The following CHODL variants were observed in gnomAD, a reference collection of about 807,000 sequenced individuals.
CHODL encodes transmembrane protein MT75.
Under a neutral mutation model 34.5 loss-of-function variants are expected in CHODL, and 29 were observed. The ratio of observed to expected loss-of-function variants is 0.84; its 90% CI spans 0.63 to 1.15. The LOEUF (loss-of-function observed/expected upper bound fraction) is 1.15. Ranked by LOEUF, CHODL falls within the 50% of genes most tolerant of loss-of-function variation. The pLI is 0.00. For missense variants in CHODL, 332 were observed against 332.5 expected (o/e 1.00, Z 0.01); for synonymous variants, 125 against 116.1 (o/e 1.08, Z -0.49).
rs531320716 is a variant in CHODL at position 17,967,097 on chromosome 21, C to T, written c.-145+49697C>T. The stretch of plus-strand genomic sequence containing the variant: ...ATGGGGTTTCACCATGTTGACCATG[C>T]TAGTCTCGAACTCTTGACCTCTAGT... On this transcript the variant is annotated intron_variant, in intron 1 of 6. Transcript: ENST00000400127. Among the ~76,000 whole-genome samples, 13 of 152,220 alleles carry T rather than the reference C, an allele frequency of 8.5e-5. No individual in the cohort carries two copies. In the East Asian group the frequency reaches 2.5e-3, roughly 29 times the overall value.
chr21:18,133,258 G>A (rs1487925154), intron 2 of CHODL, among the ~76,000 whole-genome samples: 1 of 152,022 alleles, frequency 6.6e-6, no homozygotes, highest in Non-Finnish European at 1.5e-5. Context: ...ATTGTTCGAT[G>A]TTCATTATTT....
chr21:17,933,092 C>T (rs28797200), intron 1 of CHODL, among the ~76,000 whole-genome samples: 9,456 of 152,196 alleles, frequency 0.062, 820 homozygotes, highest in African/African-American at 0.19. Context: ...CCCGCCTGTC[C>T]CACCTCCAGC....
intron 2 of CHODL, among the ~76,000 whole-genome samples, chr21:18,082,930 A>C (rs1195925143): frequency 6.6e-6 from 1 of 152,204 alleles, no homozygotes; most frequent in Non-Finnish European, 1.5e-5. Context: ...AAAAAAAAAA[A>C]AAACTTTTCT....
intron 2 of CHODL, among the ~76,000 whole-genome samples, chr21:18,039,594 G>A (rs1218803410): frequency 1.3e-5 from 2 of 151,302 alleles, no homozygotes; most frequent in East Asian, 2.0e-4. Flanking sequence ...CTTTTCATTC[G>A]ACATCTAAGG....
intron 1 of CHODL, among the ~76,000 whole-genome samples, chr21:18,022,748 C>A (rs2064139442): frequency 6.6e-6 from 1 of 152,144 alleles, no homozygotes; most frequent in African/African-American, 2.4e-5. Flanking sequence ...GAATGCTTTT[C>A]TAAACTCAAT....
intron 1 of CHODL, among the ~76,000 whole-genome samples, chr21:17,954,881 TA>T (rs2063485030): frequency 2.1e-5 from 2 of 95,266 alleles, no homozygotes; most frequent in African/African-American, 3.9e-5. Flanking sequence ...ATTTATATTT[TA>T]AATTAAATCA....
intron 2 of CHODL, chr21:18,100,158 ATAGT>A (rs1482799080): frequency 1.3e-5 from 2 of 152,214 alleles, no homozygotes; most frequent in South Asian, 2.1e-4. Context: ...AAATATTTAC[ATAGT>A]TTAAATAAAG....
chr21:18,245,396 C>T, intron 1 of CHODL, 94 bp downstream of exon 1: 2 of 1,050,582 alleles, frequency 1.9e-6, no homozygotes, highest in Non-Finnish European at 1.3e-6. Flanking sequence ...CTCTCCGGGG[C>T]GTTGGAAACC....
chr21:18,246,169 T>C (rs530821187), intron 1 of CHODL, among the ~76,000 whole-genome samples: 80 of 152,234 alleles, frequency 5.3e-4, no homozygotes, highest in Non-Finnish European at 9.6e-4. Flanking sequence ...AGGGTGAATG[T>C]GCTTAGGGCC....
chr21:18,103,446 A>G (rs907262094), intron 2 of CHODL, among the ~76,000 whole-genome samples: 1 of 152,084 alleles, frequency 6.6e-6, no homozygotes, highest in East Asian at 1.9e-4. Flanking sequence ...TTGATTATAT[A>G]CTGCCAAATA....
At chr21:18,204,544 G>A (rs2073691318) in intron 2 of CHODL, among the ~76,000 whole-genome samples, 1 of 152,014 alleles carries the variant, frequency 6.6e-6, no homozygotes, top group Admixed American at 6.6e-5. Flanking sequence ...CAGTTATCCG[G>A]GAAATAGGTA....
chr21:18,063,480 GA>G (rs1162888443), intron 2 of CHODL, among the ~76,000 whole-genome samples: 3 of 151,994 alleles, frequency 2.0e-5, no homozygotes, highest in Admixed American at 6.6e-5. Context: ...TTTTCTCTAG[GA>G]AAAAAATTGA....
chr21:18,046,689 A>G (rs1368075071), intron 2 of CHODL, among the ~76,000 whole-genome samples: 1 of 151,970 alleles, frequency 6.6e-6, no homozygotes, highest in Non-Finnish European at 1.5e-5. Context: ...GAGATAATGT[A>G]TGCTAAAAGC....
At chr21:18,251,118 C>G (rs965112131) in intron 1 of CHODL, among the ~76,000 whole-genome samples, 1 of 151,404 alleles carries the variant, frequency 6.6e-6, no homozygotes, top group African/African-American at 2.4e-5. Flanking sequence ...ACTACCCTGA[C>G]TTCATGAGTT....
At chr21:18,060,300 C>A (rs2064643506) in intron 2 of CHODL, among the ~76,000 whole-genome samples, 1 of 151,840 alleles carries the variant, frequency 6.6e-6, no homozygotes, top group Non-Finnish European at 1.5e-5. Context: ...ACAAAAAATA[C>A]AAAAATTGGC....
chr21:18,124,676 A>G (rs548038646), intron 2 of CHODL, among the ~76,000 whole-genome samples: 2 of 152,338 alleles, frequency 1.3e-5, no homozygotes, highest in East Asian at 3.9e-4. Flanking sequence ...AAACACATAA[A>G]TGGCCTGCTT....
chr21:18,201,499 A>G (rs1396761055), intron 2 of CHODL, among the ~76,000 whole-genome samples: 1 of 152,034 alleles, frequency 6.6e-6, no homozygotes, highest in African/African-American at 2.4e-5. Flanking sequence ...AGGCCAGAAG[A>G]TAAGTGAATT....
At chr21:18,031,154 A>C (rs927395875) in intron 2 of CHODL, among the ~76,000 whole-genome samples, 1 of 152,110 alleles carries the variant, frequency 6.6e-6, no homozygotes, top group East Asian at 1.9e-4. Flanking sequence ...GAAGATGTGA[A>C]GCCCCTGGTG....
chr21:18,167,405 G>A (rs2073172003), intron 2 of CHODL, among the ~76,000 whole-genome samples: 2 of 148,740 alleles, frequency 1.3e-5, no homozygotes, highest in South Asian at 4.2e-4. Flanking sequence ...CGCCTCCCAG[G>A]TTCACCCCAT....
Sources: gnomAD v4.1 joint callset for allele counts (sites outside exome capture counted in the v4.1 genomes callset) on GRCh38, gnomAD v4.1.1 for gene constraint, MANE v1.5 for transcripts, NCBI Gene and HGNC (gene_info 2026-07-23, HGNC 2026-07-21) for gene names.